Variants in NEGR1 observed in about 807,000 individuals in gnomAD.
NEGR1 encodes the protein neuronal growth regulator 1, also known as IgLON family member 4.
Under a neutral mutation model 40.9 loss-of-function variants are expected in NEGR1, and 10 were observed. That is an observed-to-expected ratio of 0.24 (90% confidence interval 0.15 to 0.42). The LOEUF (loss-of-function observed/expected upper bound fraction) is 0.42, where lower values mean the gene tolerates loss of function less well. NEGR1 is among the 10% of genes least tolerant of loss of function. The pLI is 1.00. For synonymous variants in NEGR1, 185 were observed against 166.8 expected (o/e 1.11, Z -0.84); for missense variants, 352 against 438.9 (o/e 0.80, Z 1.77).
chr1:72,232,212 C>T (rs1451782293), intron 1 of NEGR1, among the ~76,000 whole-genome samples: 2 of 151,856 alleles, frequency 1.3e-5, no homozygotes, highest in African/African-American at 4.8e-5. Flanking sequence ...AAAAAATTAT[C>T]TGGGCGTGGT....
intron 6 of NEGR1, among the ~76,000 whole-genome samples, chr1:71,545,639 G>A (rs1051052302): frequency 6.6e-6 from 1 of 151,376 alleles, no homozygotes; most frequent in African/African-American, 2.4e-5. Context: ...TTCAGAATAT[G>A]ATTCATTGTG....
At chr1:72,262,103 G>A (rs1432117522) in intron 1 of NEGR1, among the ~76,000 whole-genome samples, 3 of 151,956 alleles carry the variant, frequency 2.0e-5, no homozygotes, top group Non-Finnish European at 4.4e-5. Context: ...GCATTTCACT[G>A]GGAAGCTATC....
At chr1:72,245,684 A>AATGT (rs1175512862) in intron 1 of NEGR1, among the ~76,000 whole-genome samples, 2 of 152,206 alleles carry the variant, frequency 1.3e-5, no homozygotes, top group Admixed American at 1.3e-4. Flanking sequence ...ACATAAGAGA[A>AATGT]ATGTATTTAA....
intron 1 of NEGR1, among the ~76,000 whole-genome samples, chr1:71,984,715 G>C (rs1646380659): frequency 6.6e-6 from 1 of 151,984 alleles, no homozygotes. Flanking sequence ...TTGGCATAAA[G>C]TAAGACTACA....
intron 4 of NEGR1, among the ~76,000 whole-genome samples, chr1:71,625,397 T>C (rs1650740736): frequency 6.6e-6 from 1 of 151,916 alleles, no homozygotes; most frequent in Non-Finnish European, 1.5e-5. Flanking sequence ...AAAATAACAA[T>C]ACAATAATAA....
intron 1 of NEGR1, among the ~76,000 whole-genome samples, chr1:72,145,113 G>C (rs1650857284): frequency 6.6e-6 from 1 of 151,834 alleles, no homozygotes; most frequent in Non-Finnish European, 1.5e-5. Context: ...TAAAGAGTGA[G>C]GTTTTAAAAA....
intron 6 of NEGR1, among the ~76,000 whole-genome samples, chr1:71,473,577 A>G (rs1646797414): frequency 6.6e-6 from 1 of 152,144 alleles, no homozygotes; most frequent in Non-Finnish European, 1.5e-5. Flanking sequence ...AAGACCTTCA[A>G]CAGACCTCTA....
At chr1:71,457,879 T>A (rs1557532948) in intron 6 of NEGR1, among the ~76,000 whole-genome samples, 1 of 152,098 alleles carries the variant, frequency 6.6e-6, no homozygotes, top group Non-Finnish European at 1.5e-5. Context: ...TTTTTTTGTA[T>A]TTTTAGTAGA....
intron 4 of NEGR1, among the ~76,000 whole-genome samples, chr1:71,630,600 G>T (rs1650941883): frequency 6.6e-6 from 1 of 151,652 alleles, no homozygotes; most frequent in African/African-American, 2.4e-5. Context: ...ATCCAACAAG[G>T]TAGCCTAGTA....
chr1:72,158,610 A>T (rs1447325498), intron 1 of NEGR1, among the ~76,000 whole-genome samples: 3 of 152,136 alleles, frequency 2.0e-5, no homozygotes, highest in Non-Finnish European at 2.9e-5. Context: ...TGCCAGATGC[A>T]TTTGCTTCTT....
At chr1:72,266,296 A>C (rs1655636871) in intron 1 of NEGR1, among the ~76,000 whole-genome samples, 1 of 150,940 alleles carries the variant, frequency 6.6e-6, no homozygotes, top group African/African-American at 2.4e-5. Flanking sequence ...TAACTTAATA[A>C]ATTAAAAATG....
chr1:71,852,364 A>C (rs1393743572), intron 2 of NEGR1, among the ~76,000 whole-genome samples: 2 of 152,306 alleles, frequency 1.3e-5, no homozygotes, highest in African/African-American at 4.8e-5. Context: ...TTGGCCACAC[A>C]GTGTCTTAAA....
intron 2 of NEGR1, among the ~76,000 whole-genome samples, chr1:71,784,617 A>G (rs1057006128): frequency 6.6e-6 from 1 of 152,182 alleles, no homozygotes; most frequent in African/African-American, 2.4e-5. Context: ...CTCTGAGAAG[A>G]ATGAACCCTA....
intron 6 of NEGR1, among the ~76,000 whole-genome samples, chr1:71,567,013 C>A (rs1648643064): frequency 1.3e-5 from 2 of 152,002 alleles, no homozygotes; most frequent in African/African-American, 4.8e-5. Context: ...CACCTTGGGG[C>A]TTAGGATTTC....
chr1:72,016,854 G>T (rs1646715267), intron 1 of NEGR1, among the ~76,000 whole-genome samples: 1 of 152,054 alleles, frequency 6.6e-6, no homozygotes, highest in Admixed American at 6.5e-5. Flanking sequence ...ACAATTTCTG[G>T]ATCATTTTGT....
chr1:72,123,399 G>GT (rs990049959), intron 1 of NEGR1, among the ~76,000 whole-genome samples: 2 of 151,636 alleles, frequency 1.3e-5, no homozygotes, highest in African/African-American at 4.8e-5. Flanking sequence ...AATACCTTTT[G>GT]TTTAAAACCG....
intron 3 of NEGR1, among the ~76,000 whole-genome samples, chr1:71,735,059 C>T (rs898758426): frequency 3.9e-5 from 6 of 152,078 alleles, no homozygotes; most frequent in African/African-American, 9.7e-5. Context: ...TCCAATTTTT[C>T]TTCACTAGAT....
intron 6 of NEGR1, among the ~76,000 whole-genome samples, chr1:71,444,744 C>CTT (rs3050685): frequency 0.97 from 147,106 of 152,156 alleles, 71,313 homozygotes; most frequent in East Asian, 1. Context: ...TCAAGAAAAA[C>CTT]TGTCAATCCC....
At chr1:71,926,121 C>T (rs1049372829) in intron 2 of NEGR1, among the ~76,000 whole-genome samples, 2 of 152,176 alleles carry the variant, frequency 1.3e-5, no homozygotes, top group Admixed American at 1.3e-4. Flanking sequence ...TAAGAAACAT[C>T]CATTAATCAT....
Sources: allele counts gnomAD v4.1 joint callset (sites outside exome capture counted in the v4.1 genomes callset), GRCh38; gene constraint gnomAD v4.1.1; transcripts MANE v1.5; gene names NCBI Gene and HGNC (gene_info 2026-07-23, HGNC 2026-07-21).